CLMN: variants seen among roughly 807,000 people sequenced by gnomAD.
CLMN encodes calmin (calponin-like, transmembrane).
CLMN carries 57 observed loss-of-function variants against 92.7 expected under a neutral mutation model. The observed-to-expected ratio is 0.61, with a 90% CI of 0.50 to 0.77. CLMN has a LOEUF of 0.77. Among genes scored for constraint, CLMN ranks in the 30% least tolerant of loss-of-function variants. CLMN has a pLI of 0.00. For synonymous variants in CLMN, 466 were observed against 470.6 expected (o/e 0.99, Z 0.13); for missense variants, 1,158 against 1,237.5 (o/e 0.94, Z 0.96).
At chr14:95,279,504 G>T (rs1007709411) in intron 1 of CLMN, among the ~76,000 whole-genome samples, 2 of 152,166 alleles carry the variant, frequency 1.3e-5, no homozygotes, top group East Asian at 3.9e-4. Flanking sequence ...TCACTTACTG[G>T]CCAGGGCGGT....
intron 1 of CLMN, among the ~76,000 whole-genome samples, chr14:95,286,029 G>A (rs1036853402): frequency 1.3e-5 from 2 of 152,334 alleles, no homozygotes; most frequent in African/African-American, 2.4e-5. Flanking sequence ...GGGGAGAAGA[G>A]TGGAGACGAA....
rs896323567 is a variant in CLMN at position 95,267,948 on chromosome 14, A to G, written c.83-37815T>C. On this transcript the variant is annotated intron_variant, in intron 1 of 12. Coordinates refer to ENST00000298912, the MANE Select transcript of CLMN (RefSeq NM_024734.4). ...AGACAAATATCACATGTTCTCACTC[A>G]TGTGTGGGAGCTAAGAAAGGATCTC... Among the ~76,000 whole-genome samples, 3 of 152,352 alleles carry G rather than the reference A, an allele frequency of 2.0e-5. No homozygotes were observed. In the East Asian group the frequency reaches 5.8e-4, roughly 29 times the overall value.
At chr14:95,242,286 T>G (rs1898279847) in intron 1 of CLMN, among the ~76,000 whole-genome samples, 1 of 133,978 alleles carries the variant, frequency 7.5e-6, no homozygotes, top group African/African-American at 2.8e-5. Flanking sequence ...TGAGATGGAG[T>G]CAGGCTCTGT....
rs1175344519 is a variant in CLMN, at chr14:95,256,638, AAAG to A, written c.83-26508_83-26506del. Among the ~76,000 whole-genome samples the A allele has an allele frequency of 6.6e-6, 1 of 152,234 alleles. No homozygotes were observed. The highest frequency in any genetic ancestry group is 2.4e-5 in the African/African-American group (1 of 41,462). On this transcript the variant is annotated intron_variant, in intron 1 of 12. Coordinates refer to ENST00000298912, the MANE Select transcript of CLMN (RefSeq NM_024734.4). This position sits in a 1 kb window ranked among gnomAD's most constrained non-coding sequence, Gnocchi z 4.9. ...CTGTGCAAGACACTTACATGACCAG[AAAG>A]AAGACCAGGTGACTCCTGGCTAGAG...
chr14:95,236,423 C>T (rs1309705108), intron 1 of CLMN, among the ~76,000 whole-genome samples: 1 of 152,244 alleles, frequency 6.6e-6, no homozygotes, highest in Non-Finnish European at 1.5e-5. Flanking sequence ...TGGCTCTCAA[C>T]CAGTGGTTCT....
At chr14:95,207,030 A>C (rs998575275) in intron 8 of CLMN, among the ~76,000 whole-genome samples, 4 of 152,134 alleles carry the variant, frequency 2.6e-5, no homozygotes, top group Admixed American at 1.3e-4. Flanking sequence ...AACAGGCCTC[A>C]ATGGACTAAA....
intron 1 of CLMN, among the ~76,000 whole-genome samples, chr14:95,279,279 T>C (rs1473561086): frequency 2.0e-5 from 3 of 152,248 alleles, no homozygotes; most frequent in Non-Finnish European, 4.4e-5. Context: ...GTCTAAATTA[T>C]GCAGGTCAGA....
At chr14:95,246,644 T>C (rs1898583863) in intron 1 of CLMN, among the ~76,000 whole-genome samples, 1 of 152,156 alleles carries the variant, frequency 6.6e-6, no homozygotes. Flanking sequence ...ATTTTTTGTA[T>C]TTTTGGTAGA....
chr14:95,274,961 A>G (rs1407568264), intron 1 of CLMN, among the ~76,000 whole-genome samples: 1 of 145,374 alleles, frequency 6.9e-6, no homozygotes, highest in Non-Finnish European at 1.5e-5. Context: ...GCCTGACGAC[A>G]GGGCAACACT....
At chr14:95,301,589 G>A (rs995395196) in intron 1 of CLMN, among the ~76,000 whole-genome samples, 1 of 152,164 alleles carries the variant, frequency 6.6e-6, no homozygotes, top group African/African-American at 2.4e-5. Context: ...CATTATTAAT[G>A]AGGACCCCCT....
intron 1 of CLMN, among the ~76,000 whole-genome samples, chr14:95,266,089 G>T (rs762576004): frequency 6.6e-6 from 1 of 152,212 alleles, no homozygotes; most frequent in African/African-American, 2.4e-5. Context: ...TTACAAATGC[G>T]TATCTAAAAG....
At chr14:95,297,211 A>C (rs1464159985) in intron 1 of CLMN, among the ~76,000 whole-genome samples, 1 of 152,176 alleles carries the variant, frequency 6.6e-6, no homozygotes, top group Non-Finnish European at 1.5e-5. Flanking sequence ...GATTTCAAAA[A>C]TCACTTAGAA....
In CLMN at chr14:95,194,378, C is replaced by T; in HGVS notation, c.2769+158G>A. The T allele has an allele frequency of 6.8e-7, 1 of 1,479,736 alleles. No homozygotes were observed. Among genetic ancestry groups the T allele is most frequent in the Non-Finnish European group, 9.0e-7 (1 of 1,113,062 alleles). The allele number at this position is 1,479,736 out of a possible 1,614,324, so 91.7% of individuals were successfully genotyped here. On this transcript the variant is annotated intron_variant, in intron 11 of 12. Transcript: ENST00000298912. This position sits in a 1 kb window ranked among gnomAD's most constrained non-coding sequence, Gnocchi z 4.0. ...TGCCCAAACCGGATATCCGATCGGACTGTGCTTAATGATAAGGTTCCAATC... is the reference window on the plus strand; with the variant it reads ...TGCCCAAACCGGATATCCGATCGGATTGTGCTTAATGATAAGGTTCCAATC...
Position 95,191,929 on chromosome 14 carries a change from C to T in CLMN, c.2841-197G>A, listed in dbSNP as rs1896573079. On this transcript the variant is annotated intron_variant, in intron 12 of 12. Transcript: ENST00000298912. This position sits in a 1 kb window ranked among gnomAD's most constrained non-coding sequence, Gnocchi z 5.3. ...GCGTCGGGCCATCCAGGCAGCCCCTCGAGCTTTTGCACGTACTCCGTTCAT... is the reference window on the plus strand; with the variant it reads ...GCGTCGGGCCATCCAGGCAGCCCCTTGAGCTTTTGCACGTACTCCGTTCAT... The T allele has an allele frequency of 1.8e-5, 9 of 490,160 alleles. No homozygotes were observed. The highest frequency in any genetic ancestry group is 1.0e-4 in the East Asian group (3 of 29,776). The allele number at this position is 490,160 out of a possible 1,614,324, so 30.4% of individuals were successfully genotyped here.
intron 1 of CLMN, among the ~76,000 whole-genome samples, chr14:95,292,428 T>TCCCCCCCCCCCCCCCCCCCCCCCCC (rs1263766978): frequency 1.4e-5 from 1 of 74,056 alleles, no homozygotes. Context: ...CCCCCAAGGG[T>TCCCCCCCCCCCCCCCCCCCCCCCCC]CCCCCACCCC....
rs1295267663 is a variant in CLMN at position 95,188,039 on chromosome 14, G to C, written c.*3525C>G. Reference sequence around the variant, plus strand: ...TAGTGGGAATATCTCTCAAGAAACAGAATGAGCCCCAGAGAAAACACGTGC... The same window carrying C: ...TAGTGGGAATATCTCTCAAGAAACACAATGAGCCCCAGAGAAAACACGTGC... On this transcript the variant is annotated 3_prime_UTR_variant, in exon 13 of 13. Transcript: ENST00000298912. The C allele has an allele frequency of 2.6e-5, 4 of 152,196 alleles. No homozygotes were observed. Among genetic ancestry groups the C allele is most frequent in the Admixed American group, 2.6e-4 (4 of 15,286 alleles). 9.4% of individuals were successfully genotyped at this position (152,196 alleles called of 1,614,324 possible). A position where few individuals can be genotyped will look rare whatever the true frequency, so the allele number is the denominator to read the frequency against.
intron 1 of CLMN, among the ~76,000 whole-genome samples, chr14:95,255,437 G>A (rs1898958349): frequency 6.6e-6 from 1 of 152,108 alleles, no homozygotes; most frequent in Admixed American, 6.5e-5. Context: ...ATTAGTCATT[G>A]TTGTTAATCT....
At position 95,210,806 on chromosome 14, in the gene CLMN, T is replaced by A; in HGVS notation, c.682A>T (p.Ile228Phe). The change falls in exon 7 of 13, where the codon ATT becomes TTT. Residue 228 changes from isoleucine (I) to phenylalanine (F), a missense_variant. Coordinates refer to ENST00000298912, the MANE Select transcript of CLMN (RefSeq NM_024734.4). The part of the protein sequence containing the change: ...GLAFLAVIKA[I>F]DPSLVDMKQA... The stretch of plus-strand genomic sequence containing the variant: ...TTCATGTCCACCAGGCTGGGGTCAA[T>A]GGCCTTGATCACCGCCAGGAAAGCC... 1 of 1,593,664 alleles carries A rather than the reference T, an allele frequency of 6.3e-7. No homozygotes were observed. Among genetic ancestry groups the A allele is most frequent in the Non-Finnish European group, 8.5e-7 (1 of 1,173,190 alleles).
rs2140574852 is a variant in CLMN at position 95,203,281 on chromosome 14, G to A, written c.2068C>T (p.Pro690Ser). ...QGVGEELSSSPPSSCVSLETL... is the reference protein window; with the variant it reads ...QGVGEELSSSSPSSCVSLETL... ...TCCAAGCTGACACAGCTGCTTGGGGGGCTGGAAGATAATTCCTCGCCCACA... is the reference window on the plus strand; with the variant it reads ...TCCAAGCTGACACAGCTGCTTGGGGAGCTGGAAGATAATTCCTCGCCCACA... Residue 690 changes from proline (P) to serine (S), a missense_variant, in exon 9 of 13, where the codon CCC (proline) becomes TCC (serine). By Grantham distance (74) the Pro-to-Ser change is moderately conservative. Transcript: ENST00000298912. 1.2e-6 allele frequency: 2 copies of A among 1,614,016 alleles called. No homozygotes were observed. The highest frequency in any genetic ancestry group is 2.2e-5 in the East Asian group (1 of 44,860).
Sources: allele counts gnomAD v4.1 joint callset (sites outside exome capture counted in the v4.1 genomes callset), GRCh38; gene constraint gnomAD v4.1.1; non-coding constraint Gnocchi (gnomAD v3.1); transcripts MANE v1.5; gene names NCBI Gene and HGNC (gene_info 2026-07-23, HGNC 2026-07-21).